Variants in RIPOR3 observed in about 807,000 individuals in gnomAD.
The protein encoded by RIPOR3 is family with sequence similarity 65 member C.
Under a neutral mutation model 114.3 loss-of-function variants are expected in RIPOR3, and 95 were observed. The observed-to-expected ratio is 0.83, with a 90% CI of 0.70 to 0.99. The LOEUF is 0.99. Among genes scored for constraint, RIPOR3 ranks in the 50% least tolerant of loss-of-function variants. The pLI is 0.00. For synonymous variants in RIPOR3, 575 were observed against 543.8 expected, an observed-to-expected ratio of 1.06 and a Z score of -0.80; for missense variants, 1,252 against 1,266.9, an observed-to-expected ratio of 0.99 and a Z score of 0.18.
chr20:50,654,416 G>A (rs952836513), intron 1 of RIPOR3, among the ~76,000 whole-genome samples: 10 of 143,680 alleles, frequency 7.0e-5, no homozygotes, highest in African/African-American at 2.3e-4. Context: ...TCTCCCAGGA[G>A]GCAGAGTTTT....
At chr20:50,631,295 C>T (rs1202147490) in intron 1 of RIPOR3, among the ~76,000 whole-genome samples, 2 of 152,120 alleles carry the variant, frequency 1.3e-5, no homozygotes, top group African/African-American at 4.8e-5. Context: ...CACCTACTGC[C>T]GAACAGTTAC....
At chr20:50,689,807 G>T (rs2087148476) in intron 1 of RIPOR3, among the ~76,000 whole-genome samples, 1 of 152,212 alleles carries the variant, frequency 6.6e-6, no homozygotes, top group African/African-American at 2.4e-5. Flanking sequence ...GGGTGGTGGG[G>T]GGTTCACAGC....
Position 50,608,464 on chromosome 20 carries a change from G to A in RIPOR3, c.881C>T (p.Thr294Met), listed in dbSNP as rs771317006. 3.7e-6 allele frequency: 6 copies of A among 1,613,840 alleles called. No homozygotes were observed. The highest frequency in any genetic ancestry group is 3.3e-5 in the South Asian group (3 of 91,086). Residue 294 changes from threonine (T) to methionine (M), a missense_variant, in exon 11 of 22, where the codon ACG (threonine) becomes ATG (methionine). Coordinates refer to ENST00000327979, the MANE Select transcript of RIPOR3 (RefSeq NM_001290268.2). ...CACCACGATGACCTGCGGCCGCGTC[G>A]TGAAGAAGTCGGCGATGTCACACGT... is the stretch of plus-strand genomic sequence containing the variant. ...AVTCDIADFF[T>M]TRPQVIVVDI... is the part of the protein sequence containing the mutation.
At position 50,619,979 on chromosome 20, in the gene RIPOR3, G is replaced by A. The variant is rs1427801527; in HGVS notation, c.269+7C>T. 1.9e-6 allele frequency: 3 copies of A among 1,610,712 alleles called. No individual in the cohort carries two copies. The highest frequency in any genetic ancestry group is 2.5e-6 in the Non-Finnish European group (3 of 1,177,268). Reference sequence around the variant, plus strand: ...CTTCTTAAAGGCAGCACACAGCCCAGCCTTACTTGAGGCCTCTTTTCAATG... The same window carrying A: ...CTTCTTAAAGGCAGCACACAGCCCAACCTTACTTGAGGCCTCTTTTCAATG... On this transcript the variant is annotated splice_region_variant and intron_variant, in intron 3 of 21. Transcript: ENST00000327979.
chr20:50,625,440 T>A (rs1457617928), intron 2 of RIPOR3, among the ~76,000 whole-genome samples: 1 of 152,220 alleles, frequency 6.6e-6, no homozygotes, highest in East Asian at 1.9e-4. Context: ...TCAGGCCCCC[T>A]GGTACCGTCC....
In RIPOR3 at chr20:50,608,916, T is replaced by C. The variant is rs371898350; in HGVS notation, c.680A>G (p.Tyr227Cys). ...GYARLCPGDH[Y>C]EVLMRLGRQR... ...GACCCCAGAGAGTGGCCGTACCTCATAGTGGTCTCCGGGACAGAGGCGTGC... is the reference window on the plus strand; with the variant it reads ...GACCCCAGAGAGTGGCCGTACCTCACAGTGGTCTCCGGGACAGAGGCGTGC... Residue 227 changes from tyrosine (Y) to cysteine (C), a missense_variant, in exon 9 of 22, where the codon TAT becomes TGT. Tyr to Cys is a radical substitution (Grantham distance 194). Transcript: ENST00000327979. 6 of 1,595,896 alleles carry C rather than the reference T, an allele frequency of 3.8e-6. No homozygotes were observed. The African/African-American group carries it at 4.0e-5, about 11-fold the overall frequency.
At chr20:50,618,460 G>A (rs1348085342) in intron 3 of RIPOR3, among the ~76,000 whole-genome samples, 1 of 152,072 alleles carries the variant, frequency 6.6e-6, no homozygotes, top group Non-Finnish European at 1.5e-5. Context: ...TGGCCTCCTT[G>A]CTGCGCCCCA....
chr20:50,604,166 C>A (rs375204820), intron 12 of RIPOR3, among the ~76,000 whole-genome samples: 3 of 135,008 alleles, frequency 2.2e-5, no homozygotes, highest in East Asian at 2.1e-4. Flanking sequence ...GCCTGGGAGA[C>A]AAGAGCGAAA....
chr20:50,626,673 A>G (rs1451629278), intron 2 of RIPOR3, among the ~76,000 whole-genome samples: 1 of 152,230 alleles, frequency 6.6e-6, no homozygotes, highest in Non-Finnish European at 1.5e-5. Flanking sequence ...GCCAGTTGTG[A>G]AATTTGTGGG....
chr20:50,587,584 A>C (rs975592845), intron 21 of RIPOR3, among the ~76,000 whole-genome samples: 5 of 152,142 alleles, frequency 3.3e-5, no homozygotes, highest in African/African-American at 1.2e-4. Context: ...AGGTCTAAGA[A>C]GACAGCGAAC....
chr20:50,620,693 G>T, intron 2 of RIPOR3: 1 of 277,822 alleles, frequency 3.6e-6, no homozygotes, highest in East Asian at 6.9e-5. Context: ...AAGGAGCCTA[G>T]ATTTGAGGAT....
At chr20:50,669,813 G>A (rs1040215543) in intron 1 of RIPOR3, among the ~76,000 whole-genome samples, 1 of 151,870 alleles carries the variant, frequency 6.6e-6, no homozygotes. Flanking sequence ...GGGTCTGGGA[G>A]TAGATGGCTC....
intron 13 of RIPOR3, 25 bp from the exon 14 acceptor site, chr20:50,597,735 A>T: frequency 6.2e-7 from 1 of 1,608,834 alleles, no homozygotes; most frequent in Non-Finnish European, 8.5e-7. Context: ...GCCAGACCTG[A>T]GGGCAACACC....
intron 1 of RIPOR3, among the ~76,000 whole-genome samples, chr20:50,650,574 G>A (rs1042699868): frequency 4.6e-5 from 7 of 152,152 alleles, no homozygotes; most frequent in Admixed American, 3.9e-4. Context: ...AAAGTGTTGG[G>A]ATTACAGATG....
chr20:50,648,553 G>A (rs2123381317), intron 1 of RIPOR3, among the ~76,000 whole-genome samples: 2 of 152,110 alleles, frequency 1.3e-5, no homozygotes, highest in Non-Finnish European at 2.9e-5. Flanking sequence ...GGTGATTCAA[G>A]TGCATTACAT....
At chr20:50,672,635 G>A (rs978942574) in intron 1 of RIPOR3, among the ~76,000 whole-genome samples, 1 of 152,178 alleles carries the variant, frequency 6.6e-6, no homozygotes, top group Non-Finnish European at 1.5e-5. Context: ...CCAGTCCTGG[G>A]GGCAACAGGG....
At chr20:50,595,005 AGG>A in intron 16 of RIPOR3, 1 of 499,102 alleles carries the variant, frequency 2.0e-6, no homozygotes, top group South Asian at 2.8e-5. Context: ...CACGGGGCAG[AGG>A]CACAGCTGGG....
At chr20:50,637,613 G>T (rs1464283618) in intron 1 of RIPOR3, among the ~76,000 whole-genome samples, 2 of 152,106 alleles carry the variant, frequency 1.3e-5, no homozygotes, top group Non-Finnish European at 2.9e-5. Context: ...ATGGGCTCAC[G>T]CCTGTAATCC....
intron 1 of RIPOR3, among the ~76,000 whole-genome samples, chr20:50,665,819 C>T (rs923289088): frequency 6.6e-6 from 1 of 152,076 alleles, no homozygotes; most frequent in African/African-American, 2.4e-5. Context: ...CTTTTGGCCA[C>T]CATGACTGGT....
Sources: gnomAD v4.1 joint callset for allele counts (sites outside exome capture counted in the v4.1 genomes callset) on GRCh38, gnomAD v4.1.1 for gene constraint, MANE v1.5 for transcripts, NCBI Gene and HGNC (gene_info 2026-07-23, HGNC 2026-07-21) for gene names.